INSL6: variants seen among roughly 807,000 people sequenced by gnomAD.
INSL6 encodes the protein insulin-like peptide INSL6.
INSL6 carries 16 observed loss-of-function variants against 9.4 expected under a neutral mutation model. The ratio of observed to expected loss-of-function variants is 1.70; its 90% CI spans 1.15 to 2.59. INSL6 has a LOEUF of 2.59. Among genes scored for constraint, INSL6 ranks in the 30% most tolerant of loss-of-function variants. INSL6 has a pLI of 0.00. For synonymous variants in INSL6, 154 were observed against 96.9 expected (o/e 1.59, Z -3.46); for missense variants, 391 against 257.3 (o/e 1.52, Z -3.56).
At chr9:5,085,311 T>A in the INSL6 span, 1 of 744,436 alleles carries the variant, frequency 1.3e-6, no homozygotes, top group Non-Finnish European at 2.5e-6. Context: ...TGAAGTCGAA[T>A]ACATCATCTA....
chr9:5,112,292 C>T, the INSL6 span: 19 of 262,430 alleles, frequency 7.2e-5, no homozygotes, highest in Non-Finnish European at 1.3e-4. Context: ...CATGCACATC[C>T]ATGTTGCCCT....
At chr9:5,112,425 G>A in the INSL6 span, 1 of 499,976 alleles carries the variant, frequency 2.0e-6, no homozygotes, top group Non-Finnish European at 3.7e-6. Flanking sequence ...CACGTCGGCG[G>A]CTGACCACTC....
At chr9:5,054,674 A>G in the INSL6 span, 4 of 1,613,444 alleles carry the variant, frequency 2.5e-6, no homozygotes, top group Non-Finnish European at 3.4e-6. The surrounding 1 kb of genome is among the most constrained non-coding windows in gnomAD (Gnocchi z 4.9). Flanking sequence ...AATTCAGCCA[A>G]TGCAAAGCCA....
At chr9:5,134,633 A>C (rs917565634) in intron 2 of INSL6, among the ~76,000 whole-genome samples, 5 of 152,214 alleles carry the variant, frequency 3.3e-5, no homozygotes, top group Non-Finnish European at 7.3e-5. Flanking sequence ...CGAAGAAGCA[A>C]ATGCTGAGAG....
downstream of INSL6, chr9:5,122,939 G>T: frequency 2.2e-6 from 2 of 920,578 alleles, no homozygotes; most frequent in East Asian, 2.5e-5. Context: ...ACAATGATTT[G>T]CAGGTAAAAT....
At chr9:5,138,957 T>G (rs551676392) in intron 2 of INSL6, among the ~76,000 whole-genome samples, 9 of 152,190 alleles carry the variant, frequency 5.9e-5, no homozygotes, top group African/African-American at 2.2e-4. Flanking sequence ...TTTAACAATA[T>G]GCACCATGTT....
chr9:5,054,472 G>GA, the INSL6 span: 1 of 1,108,846 alleles, frequency 9.0e-7, no homozygotes, highest in African/African-American at 1.6e-5. This position sits in a 1 kb window ranked among gnomAD's most constrained non-coding sequence, Gnocchi z 4.9. Flanking sequence ...CTTAATCATG[G>GA]AAAAAGGTGG....
chr9:5,043,970 G>C, the INSL6 span, among the ~76,000 whole-genome samples: 2 of 152,160 alleles, frequency 1.3e-5, no homozygotes, highest in African/African-American at 2.4e-5. Context: ...CTCAATAAAG[G>C]TGTTACTAAA....
chr9:5,103,475 GACTTTAAC>G, the INSL6 span, among the ~76,000 whole-genome samples: 1 of 151,970 alleles, frequency 6.6e-6, no homozygotes. Context: ...AATAATGGGA[GACTTTAAC>G]ACCTCTCTGT....
At chr9:5,159,072 T>G (rs1310781245), downstream of INSL6, among the ~76,000 whole-genome samples, 1 of 152,140 alleles carries the variant, frequency 6.6e-6, no homozygotes. Flanking sequence ...TGTCATTACT[T>G]TAAAGTAATG....
intron 1 of INSL6, among the ~76,000 whole-genome samples, chr9:5,164,919 T>C (rs1825016051): frequency 6.6e-6 from 1 of 152,206 alleles, no homozygotes; most frequent in Non-Finnish European, 1.5e-5. Context: ...TTATGAATAG[T>C]GCTGATGGCC....
downstream of INSL6, among the ~76,000 whole-genome samples, chr9:5,119,541 C>T (rs1823458427): frequency 6.6e-6 from 1 of 151,938 alleles, no homozygotes; most frequent in Non-Finnish European, 1.5e-5. Context: ...ATATATCTGG[C>T]ATAATTAATT....
chr9:5,013,522 T>TTCAGATAGTCAGAATGTTA, the INSL6 span, among the ~76,000 whole-genome samples: 3 of 152,248 alleles, frequency 2.0e-5, no homozygotes, highest in Non-Finnish European at 4.4e-5. Flanking sequence ...TGAGAAGCAC[T>TTCAGATAGTCAGAATGTTA]GACCTATCTG....
At chr9:5,131,900 C>A (rs1337596106) in intron 3 of INSL6, 1 of 152,184 alleles carries the variant, frequency 6.6e-6, no homozygotes, top group East Asian at 1.9e-4. Context: ...GTATTTCCCA[C>A]AAATTCTGCC....
At chr9:5,137,833 T>A (rs901008281) in intron 2 of INSL6, among the ~76,000 whole-genome samples, 1 of 152,084 alleles carries the variant, frequency 6.6e-6, no homozygotes, top group Non-Finnish European at 1.5e-5. Flanking sequence ...TTTTGCAATC[T>A]ACCCATCTGA....
In INSL6 at chr9:5,136,780, G is replaced by A. The variant is rs938599348; in HGVS notation, c.377-3188C>T. On this transcript the variant is annotated intron_variant, in intron 2 of 3. Transcript: ENST00000649639. ...TGGAAGTTCTGGCCAGGGCAATCAG[G>A]CAAGAGAAAGAAATAAAGGGTATTC... is the stretch of plus-strand genomic sequence containing the variant. Among the ~76,000 whole-genome samples the A allele has an allele frequency of 4.6e-5, 7 of 152,256 alleles. No individual in the cohort carries two copies. In the East Asian group the frequency reaches 7.7e-4, roughly 17 times the overall value.
chr9:5,165,118 T>C (rs1276938025), intron 1 of INSL6, among the ~76,000 whole-genome samples: 2 of 152,018 alleles, frequency 1.3e-5, no homozygotes, highest in Admixed American at 6.5e-5. Flanking sequence ...TGCTGAGGCA[T>C]GAGAATCACT....
At chr9:5,170,558 T>TC (rs1159962699) in intron 1 of INSL6, among the ~76,000 whole-genome samples, 1 of 145,260 alleles carries the variant, frequency 6.9e-6, no homozygotes, top group Non-Finnish European at 1.5e-5. Flanking sequence ...TCCAGGGGCT[T>TC]TTTTTTTTTT....
chr9:5,044,326 G>A, the INSL6 span: 3 of 846,040 alleles, frequency 3.5e-6, no homozygotes, highest in Non-Finnish European at 6.0e-6. Context: ...TCAGTATGCT[G>A]TAGGTGACTA....
Sources: allele counts gnomAD v4.1 joint callset (sites outside exome capture counted in the v4.1 genomes callset), GRCh38; gene constraint gnomAD v4.1.1; non-coding constraint Gnocchi (gnomAD v3.1); transcripts MANE v1.5; gene names NCBI Gene and HGNC (gene_info 2026-07-23, HGNC 2026-07-21).